The following PTPN3 variants were observed in gnomAD, a reference collection of about 807,000 sequenced individuals.
PTPN3 encodes tyrosine-protein phosphatase non-receptor type 3.
In PTPN3, 96 loss-of-function variants were observed where a neutral mutation model predicts 132.7. The ratio of observed to expected loss-of-function variants is 0.72; its 90% CI spans 0.61 to 0.86. The LOEUF is 0.86. PTPN3 is among the 40% of genes least tolerant of loss of function. PTPN3 has a pLI of 0.00. For missense variants in PTPN3, 1,125 were observed against 1,159.6 expected, an observed-to-expected ratio of 0.97 and a Z score of 0.43; for synonymous variants, 398 against 429.0, an observed-to-expected ratio of 0.93 and a Z score of 0.89.
the PTPN3 span, among the ~76,000 whole-genome samples, chr9:109,527,271 G>A: frequency 2.0e-5 from 3 of 152,166 alleles, no homozygotes; most frequent in African/African-American, 7.2e-5. Context: ...GACCAGCCTG[G>A]CCAACATGGC....
Position 109,389,244 on chromosome 9 carries a change from C to G in PTPN3, c.2242G>C (p.Glu748Gln). The change falls in exon 22 of 26, where the codon GAA becomes CAA. Residue 748 changes from glutamate (E) to glutamine (Q), a missense_variant. Transcript: ENST00000374541. Reference sequence around the variant, plus strand: ...ATCAAGCTACTTACCCGCCCTCGTTCTGTGAGAGTCGTCAACATGACAATG... The same window carrying G: ...ATCAAGCTACTTACCCGCCCTCGTTGTGTGAGAGTCGTCAACATGACAATG... Reference protein sequence around the residue: ...SLIVMLTTLTERGRTKCHQYW... With the variant: ...SLIVMLTTLTQRGRTKCHQYW... The G allele has an allele frequency of 6.2e-7, 1 of 1,614,166 alleles. No homozygotes were observed. Among genetic ancestry groups the G allele is most frequent in the Non-Finnish European group, 8.5e-7 (1 of 1,180,030 alleles).
intron 7 of PTPN3, 122 bp downstream of exon 7, chr9:109,445,118 T>C (rs1455130323): frequency 4.3e-6 from 4 of 934,972 alleles, no homozygotes; most frequent in Non-Finnish European, 5.1e-6. Flanking sequence ...CAGCCAGAGA[T>C]ATGCTGCCCA....
upstream of PTPN3, among the ~76,000 whole-genome samples, chr9:109,501,207 T>A (rs1588521537): frequency 6.6e-6 from 1 of 152,252 alleles, no homozygotes; most frequent in Non-Finnish European, 1.5e-5. Context: ...ATATATTCTC[T>A]CTTTAATCCT....
chr9:109,465,640 C>T (rs923725005), intron 1 of PTPN3, among the ~76,000 whole-genome samples: 4 of 129,600 alleles, frequency 3.1e-5, no homozygotes, highest in African/African-American at 5.9e-5. Context: ...ACCCAGGAGG[C>T]GGAGGCTGCA....
the PTPN3 span, among the ~76,000 whole-genome samples, chr9:109,506,510 T>A: frequency 5.0e-4 from 75 of 149,448 alleles, no homozygotes; most frequent in East Asian, 8.4e-3. Context: ...TTTCCTTCCT[T>A]CCTTCTTTCC....
chr9:109,440,780 T>C (rs1306683371), intron 7 of PTPN3, among the ~76,000 whole-genome samples: 1 of 152,226 alleles, frequency 6.6e-6, no homozygotes, highest in East Asian at 1.9e-4. Flanking sequence ...CAAGGTTCTC[T>C]CTTTAGGCAA....
intron 19 of PTPN3, among the ~76,000 whole-genome samples, chr9:109,393,562 T>G (rs2131646949): frequency 6.6e-6 from 1 of 152,102 alleles, no homozygotes; most frequent in East Asian, 1.9e-4. Flanking sequence ...AATTTTTGTA[T>G]TTTTAGTAGA....
At chr9:109,432,461 C>T (rs561745431) in intron 10 of PTPN3, among the ~76,000 whole-genome samples, 21 of 152,166 alleles carry the variant, frequency 1.4e-4, no homozygotes, top group Non-Finnish European at 1.9e-4. Context: ...TGCACCATCA[C>T]GTTACCATTA....
chr9:109,391,391 G>C, intron 20 of PTPN3, 80 bp downstream of exon 20: 1 of 1,460,316 alleles, frequency 6.8e-7, no homozygotes, highest in Non-Finnish European at 9.5e-7. Flanking sequence ...AATCGTTCCA[G>C]AATACCAGAC....
At chr9:109,436,005 G>C (rs527876648) in intron 9 of PTPN3, among the ~76,000 whole-genome samples, 4 of 152,288 alleles carry the variant, frequency 2.6e-5, no homozygotes, top group African/African-American at 9.6e-5. Context: ...CAATCTCTAT[G>C]AGCCTCGGTT....
In PTPN3 at chr9:109,492,343, A is replaced by G. The variant is rs150656641; in HGVS notation, c.-18+5876T>C. Among the ~76,000 whole-genome samples the G allele has an allele frequency of 6.2e-4, 95 of 152,256 alleles. No homozygotes were observed. In the East Asian group the frequency reaches 0.017, roughly 28 times the overall value. ...TCATCAGCACAGCATTCAGGCAGCC[A>G]TGGCCCCTGCACAGTCCTGGATGCT... On this transcript the variant is annotated intron_variant, in intron 1 of 25. Coordinates refer to ENST00000374541, the MANE Select transcript of PTPN3 (RefSeq NM_002829.4).
chr9:109,387,424 T>C (rs758571705), intron 22 of PTPN3, among the ~76,000 whole-genome samples: 3 of 152,200 alleles, frequency 2.0e-5, no homozygotes, highest in East Asian at 1.9e-4. Context: ...TCACCTCACA[T>C]GATCCTCATG....
intron 14 of PTPN3, among the ~76,000 whole-genome samples, chr9:109,419,068 T>A (rs1350367839): frequency 1.3e-5 from 2 of 152,244 alleles, no homozygotes; most frequent in Admixed American, 1.3e-4. Flanking sequence ...GAACTCACAA[T>A]CATCCACTGT....
chr9:109,523,094 G>A, the PTPN3 span, among the ~76,000 whole-genome samples: 39 of 151,424 alleles, frequency 2.6e-4, 1 homozygote, highest in South Asian at 7.6e-3. Flanking sequence ...GCCTGGAATA[G>A]TGCTTCTCTA....
chr9:109,399,652 C>G (rs973668104), intron 19 of PTPN3, among the ~76,000 whole-genome samples: 12 of 150,386 alleles, frequency 8.0e-5, no homozygotes, highest in African/African-American at 3.0e-4. Context: ...AAAGGGAATT[C>G]CCTTTATGAA....
At chr9:109,476,135 T>C (rs866988513) in intron 1 of PTPN3, among the ~76,000 whole-genome samples, 1 of 152,192 alleles carries the variant, frequency 6.6e-6, no homozygotes, top group Admixed American at 6.5e-5. Context: ...TCTCAGGTTA[T>C]ATTAGGTTCG....
chr9:109,489,268 A>G (rs1847348714), intron 1 of PTPN3, among the ~76,000 whole-genome samples: 1 of 152,158 alleles, frequency 6.6e-6, no homozygotes, highest in African/African-American at 2.4e-5. Flanking sequence ...GTGAGGTGAG[A>G]GCTGACAAAA....
chr9:109,505,911 G>A, the PTPN3 span, among the ~76,000 whole-genome samples: 84 of 152,070 alleles, frequency 5.5e-4, no homozygotes, highest in African/African-American at 1.9e-3. Context: ...CGCTATGCCC[G>A]GCTAATTTTT....
At chr9:109,423,213 A>C (rs945372209) in intron 12 of PTPN3, among the ~76,000 whole-genome samples, 8 of 152,220 alleles carry the variant, frequency 5.3e-5, no homozygotes, top group African/African-American at 1.7e-4. Context: ...TAAAAATATT[A>C]ACCATTTTTT....
Sources: gnomAD v4.1 joint callset for allele counts (sites outside exome capture counted in the v4.1 genomes callset) on GRCh38, gnomAD v4.1.1 for gene constraint, MANE v1.5 for transcripts, NCBI Gene and HGNC (gene_info 2026-07-23, HGNC 2026-07-21) for gene names.